The following NELL1 variants were observed in gnomAD, a reference collection of about 807,000 sequenced individuals.
The protein encoded by NELL1 is neural EGFL like 1, also known as protein kinase C-binding protein NELL1.
In NELL1, 76 loss-of-function variants were observed where a neutral mutation model predicts 107.4. That is an observed-to-expected ratio of 0.71 (90% CI 0.59 to 0.86). The LOEUF (loss-of-function observed/expected upper bound fraction) is 0.86, where lower values mean the gene tolerates loss of function less well. Ranked by LOEUF, NELL1 falls within the 40% of genes least tolerant of loss-of-function variation. The pLI, the probability that NELL1 is intolerant of heterozygous loss-of-function variation, is 0.00. For synonymous variants in NELL1, 353 were observed against 341.2 expected (o/e 1.03, Z -0.38); for missense variants, 1,024 against 1,005.5 (o/e 1.02, Z -0.25).
chr11:21,458,712 G>A (rs1031834696), intron 15 of NELL1, among the ~76,000 whole-genome samples: 1 of 152,086 alleles, frequency 6.6e-6, no homozygotes, highest in African/African-American at 2.4e-5. Flanking sequence ...TTAGAAAACT[G>A]AGCAATGCCT....
chr11:21,066,792 A>G (rs1853883266), intron 12 of NELL1, among the ~76,000 whole-genome samples: 1 of 151,964 alleles, frequency 6.6e-6, no homozygotes, highest in African/African-American at 2.4e-5. Context: ...TGTCTCTACT[A>G]AAAATACAAA....
intron 17 of NELL1, 68 bp downstream of exon 17, chr11:21,560,450 C>T: frequency 7.2e-7 from 1 of 1,384,458 alleles, no homozygotes. Context: ...TTTCTACCTC[C>T]CCAGCTCTCT....
intron 4 of NELL1, among the ~76,000 whole-genome samples, chr11:20,863,802 C>T (rs1341226965): frequency 2.0e-5 from 3 of 152,198 alleles, no homozygotes; most frequent in East Asian, 3.9e-4. Context: ...CGCCACTGCA[C>T]TCCAGCCTGG....
intron 12 of NELL1, among the ~76,000 whole-genome samples, chr11:21,099,186 CTG>C (rs1247070918): frequency 6.9e-6 from 1 of 144,442 alleles, no homozygotes; most frequent in East Asian, 2.1e-4. Flanking sequence ...GAAAAAGACA[CTG>C]AACAACACAC....
chr11:21,194,800 A>G (rs1026369372), intron 13 of NELL1, among the ~76,000 whole-genome samples: 3 of 152,138 alleles, frequency 2.0e-5, no homozygotes, highest in African/African-American at 7.2e-5. Context: ...ACTGTTGAGG[A>G]TGCACTCCAT....
intron 2 of NELL1, among the ~76,000 whole-genome samples, chr11:20,687,714 C>G (rs569073715): frequency 1.8e-3 from 276 of 152,066 alleles, no homozygotes; most frequent in African/African-American, 6.3e-3. Flanking sequence ...ACCTCAGCCT[C>G]CTGAGTAGCT....
chr11:21,199,867 A>C (rs1023094336), intron 13 of NELL1, among the ~76,000 whole-genome samples: 1 of 148,650 alleles, frequency 6.7e-6, no homozygotes, highest in Non-Finnish European at 1.5e-5. Context: ...TCATTGTTCA[A>C]CTCCCGCTTA....
At chr11:21,077,009 T>G (rs1019485382) in intron 12 of NELL1, among the ~76,000 whole-genome samples, 2 of 152,088 alleles carry the variant, frequency 1.3e-5, no homozygotes, top group African/African-American at 2.4e-5. Context: ...TTACCGAGTC[T>G]CAGGTATTTC....
At chr11:20,883,698 C>T (rs946193773) in intron 4 of NELL1, among the ~76,000 whole-genome samples, 8 of 152,182 alleles carry the variant, frequency 5.3e-5, no homozygotes, top group African/African-American at 1.9e-4. Context: ...ATTTTGCATT[C>T]CCTTTTTTCC....
chr11:21,110,830 G>A (rs1158074091), intron 12 of NELL1, among the ~76,000 whole-genome samples: 1 of 152,154 alleles, frequency 6.6e-6, no homozygotes, highest in Non-Finnish European at 1.5e-5. Context: ...ACTACAGCCA[G>A]AGTGATATTT....
chr11:21,160,270 C>A lies in NELL1; in HGVS notation c.1426+46556C>A, dbSNP rs1030752939. ...ACACCGAGGTGTCCTCCTCTGGGAA[C>A]TATTTTCTATTCATCATTTGAAGAC... is the stretch of plus-strand genomic sequence containing the variant. On this transcript the variant is annotated intron_variant, in intron 13 of 19. Coordinates refer to ENST00000357134, the MANE Select transcript of NELL1 (RefSeq NM_006157.5). Among the ~76,000 whole-genome samples, 7 of 152,260 alleles carry A rather than the reference C, an allele frequency of 4.6e-5. No homozygotes were observed. In the South Asian group the frequency reaches 1.5e-3, roughly 32 times the overall value.
At chr11:21,181,836 C>T (rs1361306708) in intron 13 of NELL1, among the ~76,000 whole-genome samples, 1 of 151,724 alleles carries the variant, frequency 6.6e-6, no homozygotes, top group African/African-American at 2.4e-5. Context: ...ATTTTTTCTA[C>T]TAGTGTACTG....
At chr11:21,095,663 T>G (rs561864788) in intron 12 of NELL1, among the ~76,000 whole-genome samples, 1 of 151,940 alleles carries the variant, frequency 6.6e-6, no homozygotes. Flanking sequence ...CAGGCTGGAG[T>G]GCAATGGCAC....
At chr11:21,488,269 T>G (rs778759186) in intron 15 of NELL1, among the ~76,000 whole-genome samples, 4 of 152,178 alleles carry the variant, frequency 2.6e-5, no homozygotes, top group Non-Finnish European at 4.4e-5. Flanking sequence ...AGACCGTATG[T>G]TAGGCAACAC....
At chr11:21,207,037 C>A (rs1055537393) in intron 13 of NELL1, among the ~76,000 whole-genome samples, 17 of 152,278 alleles carry the variant, frequency 1.1e-4, no homozygotes, top group African/African-American at 3.6e-4. Context: ...TCACTTCTTT[C>A]TTTTATTCTA....
At chr11:21,201,558 C>T (rs982911536) in intron 13 of NELL1, among the ~76,000 whole-genome samples, 35 of 152,172 alleles carry the variant, frequency 2.3e-4, no homozygotes, top group African/African-American at 8.0e-4. Context: ...AATATACAGT[C>T]ATGTCATCTG....
intron 12 of NELL1, among the ~76,000 whole-genome samples, chr11:20,975,959 T>TGTGTAC (rs1851617812): frequency 3.7e-5 from 3 of 80,854 alleles, no homozygotes; most frequent in South Asian, 3.9e-4. Context: ...ATGTACATTA[T>TGTGTAC]ATATACATTA....
intron 4 of NELL1, among the ~76,000 whole-genome samples, chr11:20,861,516 A>T (rs1353683567): frequency 6.6e-6 from 1 of 152,144 alleles, no homozygotes; most frequent in Non-Finnish European, 1.5e-5. Context: ...GTGACTATAG[A>T]AACAGGGCAG....
At chr11:21,513,488 A>G (rs1855489494) in intron 15 of NELL1, among the ~76,000 whole-genome samples, 1 of 152,166 alleles carries the variant, frequency 6.6e-6, no homozygotes, top group South Asian at 2.1e-4. Context: ...ATTAACGGAA[A>G]TATATCTTTT....
Sources: allele counts gnomAD v4.1 joint callset (sites outside exome capture counted in the v4.1 genomes callset), GRCh38; gene constraint gnomAD v4.1.1; transcripts MANE v1.5; gene names NCBI Gene and HGNC (gene_info 2026-07-23, HGNC 2026-07-21).